Variants in ACVR1 observed in about 807,000 individuals in gnomAD.
ACVR1 encodes the protein activin receptor type-1.
ACVR1 carries 38 observed loss-of-function variants against 57.1 expected under a neutral mutation model. The ratio of observed to expected loss-of-function variants is 0.67; its 90% CI spans 0.51 to 0.87. ACVR1 has a LOEUF of 0.87. ACVR1 is among the 40% of genes least tolerant of loss of function. ACVR1 has a pLI of 0.00. For missense variants in ACVR1, 463 were observed against 638.2 expected (o/e 0.73, Z 2.96); for synonymous variants, 212 against 228.1 (o/e 0.93, Z 0.63).
intron 1 of ACVR1, among the ~76,000 whole-genome samples, chr2:157,855,777 A>G (rs770054158): frequency 5.9e-5 from 9 of 152,130 alleles, no homozygotes; most frequent in Non-Finnish European, 1.2e-4. Context: ...TGCAGGGTCA[A>G]TGGTCCTTCA....
At chr2:157,755,835 A>G (rs1168760214) in intron 9 of ACVR1, among the ~76,000 whole-genome samples, 3 of 152,136 alleles carry the variant, frequency 2.0e-5, no homozygotes, top group Non-Finnish European at 2.9e-5. Context: ...ATATGGAACC[A>G]AAAAAGAGCC....
At chr2:157,743,706 A>T (rs972512677) in intron 9 of ACVR1, among the ~76,000 whole-genome samples, 1 of 151,172 alleles carries the variant, frequency 6.6e-6, no homozygotes, top group African/African-American at 2.4e-5. Context: ...CACTAGATGG[A>T]ATAAATAAAG....
At chr2:157,816,133 C>T (rs1687924699) in intron 2 of ACVR1, among the ~76,000 whole-genome samples, 1 of 151,948 alleles carries the variant, frequency 6.6e-6, no homozygotes. Context: ...CAATTTTTAA[C>T]ATAATTAATA....
intron 5 of ACVR1, among the ~76,000 whole-genome samples, chr2:157,774,656 G>A (rs937123250): frequency 3.3e-5 from 5 of 152,194 alleles, no homozygotes; most frequent in African/African-American, 4.8e-5. Context: ...GAGCCACCAC[G>A]CCTGGCCAGG....
chr2:157,806,252 T>C (rs1206948730), intron 2 of ACVR1, among the ~76,000 whole-genome samples: 1 of 152,146 alleles, frequency 6.6e-6, no homozygotes, highest in Non-Finnish European at 1.5e-5. Context: ...CTTCTTTCCA[T>C]TTCCCTAACC....
chr2:157,807,836 G>GAATTAAT (rs1266419278), intron 2 of ACVR1, among the ~76,000 whole-genome samples: 1 of 108,600 alleles, frequency 9.2e-6, no homozygotes, highest in African/African-American at 3.7e-5. Flanking sequence ...AGGCTAATGT[G>GAATTAAT]ATTAATCTAT....
At chr2:157,858,674 G>A (rs1490027738) in intron 1 of ACVR1, among the ~76,000 whole-genome samples, 2 of 152,018 alleles carry the variant, frequency 1.3e-5, no homozygotes, top group African/African-American at 4.8e-5. Flanking sequence ...GTCGAGACGG[G>A]GTTTCACCAT....
At chr2:157,845,836 A>G (rs1245348059) in intron 1 of ACVR1, among the ~76,000 whole-genome samples, 1 of 152,220 alleles carries the variant, frequency 6.6e-6, no homozygotes, top group African/African-American at 2.4e-5. Context: ...TATTAACTGT[A>G]TTAGCCAATG....
intron 8 of ACVR1, among the ~76,000 whole-genome samples, chr2:157,763,334 A>G (rs1317385630): frequency 6.6e-6 from 1 of 152,234 alleles, no homozygotes; most frequent in Non-Finnish European, 1.5e-5. Flanking sequence ...TCACAGATTG[A>G]TAAAGCAAAC....
At chr2:157,783,652 A>G (rs2105285717) in intron 3 of ACVR1, among the ~76,000 whole-genome samples, 1 of 152,336 alleles carries the variant, frequency 6.6e-6, no homozygotes, top group African/African-American at 2.4e-5. Flanking sequence ...AAGGCAAGGA[A>G]AGACAACTGT....
intron 1 of ACVR1, among the ~76,000 whole-genome samples, chr2:157,857,721 G>A (rs891970922): frequency 3.9e-5 from 6 of 152,178 alleles, no homozygotes; most frequent in African/African-American, 1.4e-4. Flanking sequence ...AGCCTTGTCA[G>A]CACCGTAAGA....
rs771401156 is a variant in ACVR1 at position 157,778,131 on chromosome 2, T to G, written c.543A>C (p.Ala181=). The change falls in exon 5 of 11, where the codon GCA becomes GCC. Residue 181 remains alanine (A), a splice_region_variant and synonymous_variant. Transcript: ENST00000434821. ...GATTTCCTGTGGGGTCATGACTTAC[T>G]GCTAAAGTGCTGTCTCCAACATTGG... ...ITTNVGDSTL[A]DLLDHSCTSG... The G allele has an allele frequency of 9.3e-6, 15 of 1,613,518 alleles. No individual in the cohort carries two copies. In the African/African-American group the frequency reaches 1.9e-4, roughly 20 times the overall value.
Position 157,737,575 on chromosome 2 carries a change from T to C in ACVR1, c.1486A>G (p.Thr496Ala). 6.2e-7 allele frequency: 1 copy of C among 1,614,110 alleles called. No individual in the cohort carries two copies. The highest frequency in any genetic ancestry group is 1.3e-5 in the African/African-American group (1 of 75,036). The part of the protein sequence containing the change: ...LTALRIKKTL[T>A]KIDNSLDKLK... ...TTGTCGAGGGAATTATCAATTTTGG[T>C]CAAAGTCTTTTTGATACGCAGTGCT... Residue 496 changes from threonine to alanine, a missense_variant, in exon 11 of 11, where the codon ACC becomes GCC. Physicochemically the swap from Thr to Ala is moderately conservative, Grantham distance 58 (BLOSUM62 0). This residue lies in a region of ACVR1 where 146 missense variants were observed against 186.6 expected (regional missense o/e 0.78). Transcript: ENST00000434821.
At chr2:157,781,386 G>T (rs911151436) in intron 3 of ACVR1, among the ~76,000 whole-genome samples, 1 of 152,204 alleles carries the variant, frequency 6.6e-6, no homozygotes, top group Non-Finnish European at 1.5e-5. Context: ...AGTTTGCAAG[G>T]CTGTACAATC....
At chr2:157,745,328 G>C (rs1282875179) in intron 9 of ACVR1, among the ~76,000 whole-genome samples, 1 of 152,166 alleles carries the variant, frequency 6.6e-6, no homozygotes, top group African/African-American at 2.4e-5. Flanking sequence ...AGCACCACAA[G>C]AGTTCCAAAC....
chr2:157,809,567 G>A (rs1687677436), intron 2 of ACVR1, among the ~76,000 whole-genome samples: 1 of 151,974 alleles, frequency 6.6e-6, no homozygotes, highest in Non-Finnish European at 1.5e-5. Context: ...TGGATACCGG[G>A]TGGAGAGAGA....
chr2:157,863,866 T>A (rs2105380720), intron 1 of ACVR1, among the ~76,000 whole-genome samples: 1 of 148,070 alleles, frequency 6.8e-6, no homozygotes, highest in South Asian at 2.1e-4. Context: ...AGGAGCAAAT[T>A]CTTTTTTTTT....
At chr2:157,821,317 A>G (rs138429717) in intron 1 of ACVR1, among the ~76,000 whole-genome samples, 3,161 of 152,242 alleles carry the variant, frequency 0.021, 103 homozygotes, top group African/African-American at 0.069. Context: ...CCTGAGGTCC[A>G]GAGTTCAAGA....
intron 9 of ACVR1, among the ~76,000 whole-genome samples, chr2:157,741,048 G>T (rs775079246): frequency 1.3e-5 from 2 of 152,148 alleles, no homozygotes; most frequent in Non-Finnish European, 2.9e-5. Flanking sequence ...GCTATGGTAG[G>T]ATGCCGTATT....
Sources: allele counts gnomAD v4.1 joint callset (sites outside exome capture counted in the v4.1 genomes callset), GRCh38; gene constraint gnomAD v4.1.1; regional missense constraint gnomAD v4.1.1; transcripts MANE v1.5; gene names NCBI Gene and HGNC (gene_info 2026-07-23, HGNC 2026-07-21).